Variants in PES1 observed in about 807,000 individuals in gnomAD.
PES1 encodes pescadillo homolog.
Under a neutral mutation model 77.1 loss-of-function variants are expected in PES1, and 31 were observed. That is an observed-to-expected ratio of 0.40 (90% CI 0.30 to 0.54). PES1 has a LOEUF of 0.54. Ranked by LOEUF, PES1 falls within the 20% of genes least tolerant of loss-of-function variation. The pLI is 0.45. For synonymous variants in PES1, 282 were observed against 303.0 expected, an observed-to-expected ratio of 0.93 and a Z score of 0.72; for missense variants, 658 against 771.7, an observed-to-expected ratio of 0.85 and a Z score of 1.75.
At position 30,576,766 on chromosome 22, in the gene PES1, G is replaced by C. The variant is rs2086904917; in HGVS notation, c.*280C>G. The C allele has an allele frequency of 1.6e-5, 8 of 494,980 alleles. No homozygotes were observed. The highest frequency in any genetic ancestry group is 2.9e-5 in the Non-Finnish European group (8 of 276,622). The allele number at this position is 494,980 out of a possible 1,614,324, so 30.7% of individuals were successfully genotyped here. ...GGATGAATGGGGGCAGTAGGTAGGG[G>C]GCTGGGTGGGCCTCTGCACCTCATG... is the stretch of plus-strand genomic sequence containing the variant. On this transcript the variant is annotated 3_prime_UTR_variant, in exon 15 of 15. Coordinates refer to ENST00000354694, the MANE Select transcript of PES1 (RefSeq NM_014303.4).
chr22:30,590,123 A>G (rs146801567), intron 1 of PES1, among the ~76,000 whole-genome samples: 5 of 152,342 alleles, frequency 3.3e-5, no homozygotes, highest in Admixed American at 6.5e-5. Context: ...GCTAGATGCT[A>G]TGAAGGCAAT....
chr22:30,598,885 A>AATTTTTTTTTTT (rs1555892987), intron 2 of PES1, among the ~76,000 whole-genome samples: 2 of 51,190 alleles, frequency 3.9e-5, no homozygotes, highest in East Asian at 1.5e-3. Context: ...CTTAAGTAAA[A>AATTTTTTTTTTT]TTTTTTTTTT....
In PES1 at chr22:30,581,523, C is replaced by G. The variant is rs773488607; in HGVS notation, c.747+5G>C. 1.2e-6 allele frequency: 2 copies of G among 1,612,276 alleles called. No homozygotes were observed. The highest frequency in any genetic ancestry group is 1.3e-5 in the African/African-American group (1 of 75,028). ...CGAGCAGAAGGCACTGGGCTGGGGT[C>G]CTACCTTCGGGGGATAGTGGAGGTT... On this transcript the variant is annotated splice_donor_5th_base_variant and intron_variant, in intron 7 of 14. Transcript: ENST00000354694.
At chr22:30,599,841 G>A (rs544621648) in intron 2 of PES1, among the ~76,000 whole-genome samples, 75 of 152,136 alleles carry the variant, frequency 4.9e-4, no homozygotes, top group African/African-American at 1.8e-3. Context: ...CAGAGGTTGC[G>A]GTGAGCCGAG....
intron 2 of PES1, among the ~76,000 whole-genome samples, chr22:30,597,879 TTTG>T (rs796827172): frequency 2.1e-5 from 1 of 47,558 alleles, no homozygotes; most frequent in South Asian, 5.1e-4. Context: ...CAGTTGAAGT[TTTG>T]TTTTTTTTTT....
intron 2 of PES1, among the ~76,000 whole-genome samples, chr22:30,603,529 A>G (rs2087390728): frequency 6.6e-6 from 1 of 151,706 alleles, no homozygotes; most frequent in Non-Finnish European, 1.5e-5. Context: ...CCACAGGCAC[A>G]TGCCACCATG....
chr22:30,587,602 A>G (rs142237172), intron 3 of PES1, among the ~76,000 whole-genome samples: 26 of 152,322 alleles, frequency 1.7e-4, no homozygotes, highest in African/African-American at 6.0e-4. Context: ...TAACCAGCAG[A>G]GCTAGACCAG....
intron 2 of PES1, among the ~76,000 whole-genome samples, chr22:30,597,882 G>T (rs111356025): frequency 0.18 from 6,925 of 37,986 alleles, 472 homozygotes; most frequent in African/African-American, 0.22. Flanking sequence ...TTGAAGTTTT[G>T]TTTTTTTTTT....
chr22:30,598,108 C>T (rs926323902), intron 2 of PES1, among the ~76,000 whole-genome samples: 6 of 152,080 alleles, frequency 3.9e-5, no homozygotes, highest in African/African-American at 9.7e-5. Flanking sequence ...TGGTCTCGAT[C>T]GCAGTTGAAG....
chr22:30,580,775 C>A (rs1370510915), intron 9 of PES1, 74 bp from the exon 10 acceptor site: 2 of 1,595,352 alleles, frequency 1.3e-6, no homozygotes, highest in Non-Finnish European at 1.7e-6. Context: ...CTGGAGATAA[C>A]GTCCACTCCA....
At chr22:30,589,138 G>A in intron 2 of PES1, 53 bp downstream of exon 2, 1 of 1,382,956 alleles carries the variant, frequency 7.2e-7, no homozygotes. Flanking sequence ...ATGCAGCTGA[G>A]TTTTCAATGT....
chr22:30,589,413 G>A (rs2087145302), intron 1 of PES1, 143 bp from the exon 2 acceptor site: 1 of 676,170 alleles, frequency 1.5e-6, no homozygotes, highest in Admixed American at 2.5e-5. Flanking sequence ...TGCAGGGAAG[G>A]AGCCGACCTG....
At chr22:30,592,039 A>G (rs1433872884), upstream of PES1, 8 of 1,366,720 alleles carry the variant, frequency 5.9e-6, no homozygotes, top group Non-Finnish European at 7.5e-6. Context: ...AAAATCACTG[A>G]GAACACTCTT....
chr22:30,599,445 A>T (rs1474680346), intron 2 of PES1, among the ~76,000 whole-genome samples: 1 of 152,194 alleles, frequency 6.6e-6, no homozygotes, highest in Non-Finnish European at 1.5e-5. Context: ...TAATATAACT[A>T]GTTTAATAGG....
intron 2 of PES1, among the ~76,000 whole-genome samples, chr22:30,601,127 G>A (rs917147706): frequency 3.3e-5 from 5 of 152,118 alleles, no homozygotes; most frequent in African/African-American, 9.7e-5. Context: ...TCTGCATTCT[G>A]CTACTGACAA....
At chr22:30,587,220 TG>T in intron 4 of PES1, 65 bp downstream of exon 4, 1 of 1,156,828 alleles carries the variant, frequency 8.6e-7, no homozygotes, top group Non-Finnish European at 1.3e-6. Context: ...ATTGTATCCC[TG>T]GTGCTAGGGC....
chr22:30,581,450 A>G (rs2086986531), intron 7 of PES1, 42 bp from the exon 8 acceptor site: 8 of 1,608,152 alleles, frequency 5.0e-6, no homozygotes, highest in Non-Finnish European at 6.8e-6. Context: ...GGACAGCCAC[A>G]GCCCCTCGCC....
intron 14 of PES1, among the ~76,000 whole-genome samples, chr22:30,577,796 C>A (rs1435493314): frequency 2.0e-5 from 3 of 152,120 alleles, no homozygotes; most frequent in African/African-American, 7.2e-5. Context: ...ATGCCCAGAC[C>A]CATTTGACAA....
chr22:30,580,016 T>A, intron 11 of PES1, 37 bp downstream of exon 11: 1 of 1,612,290 alleles, frequency 6.2e-7, no homozygotes, highest in African/African-American at 1.3e-5. Context: ...TGAGACAGGA[T>A]ACCCAGAAAT....
Sources: allele counts gnomAD v4.1 joint callset (sites outside exome capture counted in the v4.1 genomes callset), GRCh38; gene constraint gnomAD v4.1.1; transcripts MANE v1.5; gene names NCBI Gene and HGNC (gene_info 2026-07-23, HGNC 2026-07-21).